The following VPS53 variants were observed in gnomAD, a reference collection of about 807,000 sequenced individuals.
The protein encoded by VPS53 is vacuolar protein sorting-associated protein 53 homolog.
VPS53 carries 70 observed loss-of-function variants against 107.0 expected under a neutral mutation model. The observed-to-expected ratio is 0.65, with a 90% CI of 0.54 to 0.80. VPS53 has a LOEUF of 0.80. Among genes scored for constraint, VPS53 ranks in the 30% least tolerant of loss-of-function variants. The pLI is 0.00. For missense variants in VPS53, 917 were observed against 1,049.4 expected, an observed-to-expected ratio of 0.87 and a Z score of 1.74; for synonymous variants, 409 against 393.3, an observed-to-expected ratio of 1.04 and a Z score of -0.47.
intron 14 of VPS53, 148 bp from the exon 15 acceptor site, chr17:560,721 C>T: frequency 1.1e-6 from 1 of 877,576 alleles, no homozygotes; most frequent in Non-Finnish European, 1.7e-6. Context: ...CCTTTTCCTA[C>T]TGACCTTACC....
chr17:640,113 C>G (rs1307182911), intron 7 of VPS53, among the ~76,000 whole-genome samples: 2 of 152,194 alleles, frequency 1.3e-5, no homozygotes, highest in East Asian at 3.9e-4. Context: ...GCGCCCCTCT[C>G]CCAGCCTTGC....
rs1438055529 is a variant in VPS53, at chr17:664,160, C to G, written c.286-2265G>C. ...GTGGCGTGATCTCAGCTCACTGCAA[C>G]CTCTGCCTCCCAGGTTCAAGCAATT... is the stretch of plus-strand genomic sequence containing the variant. On this transcript the variant is annotated intron_variant, in intron 4 of 21. Transcript: ENST00000437048. Among the ~76,000 whole-genome samples the G allele has an allele frequency of 2.6e-5, 4 of 152,078 alleles. No individual in the cohort carries two copies. The East Asian group carries it at 7.7e-4, about 29-fold the overall frequency.
At chr17:602,015 A>G in intron 11 of VPS53, 119 bp from the exon 12 acceptor site, 2 of 653,392 alleles carry the variant, frequency 3.1e-6, no homozygotes, top group Non-Finnish European at 4.7e-6. Flanking sequence ...CTGATAAAGA[A>G]GAACTGAGGC....
chr17:711,066 G>A (rs1973625783), intron 1 of VPS53, among the ~76,000 whole-genome samples: 1 of 152,180 alleles, frequency 6.6e-6, no homozygotes, highest in Non-Finnish European at 1.5e-5. Flanking sequence ...AATTAGCTGG[G>A]TGCCATGGCA....
chr17:567,867 C>A (rs1415817336), intron 13 of VPS53, among the ~76,000 whole-genome samples: 1 of 130,906 alleles, frequency 7.6e-6, no homozygotes, highest in South Asian at 2.5e-4. Flanking sequence ...CCAGCCTGGA[C>A]AACAGAGCAA....
intron 2 of VPS53, among the ~76,000 whole-genome samples, chr17:702,974 G>A (rs769266149): frequency 1.3e-4 from 20 of 152,214 alleles, no homozygotes; most frequent in Admixed American, 3.3e-4. Context: ...GGGAGGCCAA[G>A]GTACGTGGGT....
intron 4 of VPS53, among the ~76,000 whole-genome samples, chr17:662,559 C>CGG (rs1306213429): frequency 2.0e-5 from 3 of 151,950 alleles, no homozygotes; most frequent in Non-Finnish European, 4.4e-5. Context: ...CACAGTGGCA[C>CGG]GCACCTGTAG....
chr17:676,752 T>C (rs961709991), intron 4 of VPS53, among the ~76,000 whole-genome samples: 4 of 152,212 alleles, frequency 2.6e-5, no homozygotes, highest in Non-Finnish European at 4.4e-5. Flanking sequence ...AATAATCATG[T>C]TGCAGAAAAG....
rs749005826 is a variant in VPS53 at position 571,487 on chromosome 17, T to TTCTCCCTCTCCC, written c.1314-8754_1314-8743dup. On this transcript the variant is annotated intron_variant, in intron 13 of 21. Transcript: ENST00000437048. ...CAATGGGCTCTCCCTCTCCCTCTCC[T>TTCTCCCTCTCCC]TCTCCCTCTCCCTCTCCCTACAGTC... is the stretch of plus-strand genomic sequence containing the variant. 7.7e-4 allele frequency among the ~76,000 whole-genome samples: 92 copies of TTCTCCCTCTCCC among 119,764 alleles called. 2 individuals carry two copies. Among genetic ancestry groups the TTCTCCCTCTCCC allele is most frequent in the Middle Eastern group, 4.0e-3 (1 of 248 alleles). 78.6% of individuals were successfully genotyped at this position (119,764 alleles called of 152,430 possible).
chr17:586,743 T>G (rs1455971967), intron 12 of VPS53, among the ~76,000 whole-genome samples: 1 of 152,206 alleles, frequency 6.6e-6, no homozygotes, highest in Non-Finnish European at 1.5e-5. Flanking sequence ...TTGATAGCAC[T>G]TTGATACCAA....
chr17:621,667 CGTCT>C (rs756477044), intron 11 of VPS53, among the ~76,000 whole-genome samples: 7 of 152,010 alleles, frequency 4.6e-5, no homozygotes, highest in Non-Finnish European at 5.9e-5. Context: ...TTCAGTCAAT[CGTCT>C]GTCTGACTCT....
rs143829989 is a variant in VPS53, at chr17:603,199, G to A, written c.1117-1303C>T. Reference sequence around the variant, plus strand: ...CAGCACTTTGGGAGGCTGAGGCGGCGGATCACTTGAGGTCAGGAGTTCAAG... The same window carrying A: ...CAGCACTTTGGGAGGCTGAGGCGGCAGATCACTTGAGGTCAGGAGTTCAAG... On this transcript the variant is annotated intron_variant, in intron 11 of 21. Transcript: ENST00000437048. Among the ~76,000 whole-genome samples the A allele has an allele frequency of 2.3e-3, 350 of 152,154 alleles. 1 individual carries two copies. The highest frequency in any genetic ancestry group is 7.9e-3 in the African/African-American group (328 of 41,520).
At chr17:534,931 A>C (rs957417308) in intron 18 of VPS53, among the ~76,000 whole-genome samples, 1 of 151,638 alleles carries the variant, frequency 6.6e-6, no homozygotes, top group Admixed American at 6.6e-5. Context: ...AAAAAAAAAA[A>C]AAACCTTTGG....
intron 5 of VPS53, among the ~76,000 whole-genome samples, chr17:658,256 A>ACATCCC (rs1971287926): frequency 2.4e-5 from 1 of 41,046 alleles, no homozygotes; most frequent in African/African-American, 5.4e-5. Flanking sequence ...GTGGATAGAT[A>ACATCCC]ACATCCCACT....
chr17:553,610 G>A (rs1433255766), intron 15 of VPS53, 148 bp from the exon 16 acceptor site: 6 of 652,200 alleles, frequency 9.2e-6, no homozygotes, highest in Non-Finnish European at 1.5e-5. Context: ...CGCTCTTGTT[G>A]CCTAGGCTGG....
At chr17:547,025 C>T (rs573839338) in intron 17 of VPS53, among the ~76,000 whole-genome samples, 21 of 152,092 alleles carry the variant, frequency 1.4e-4, no homozygotes, top group Admixed American at 3.3e-4. Flanking sequence ...CAGGCACGCA[C>T]GCTACCACAC....
At chr17:711,074 G>A (rs1241006257) in intron 1 of VPS53, among the ~76,000 whole-genome samples, 2 of 152,254 alleles carry the variant, frequency 1.3e-5, no homozygotes, top group East Asian at 3.9e-4. Flanking sequence ...GGGTGCCATG[G>A]CACATGCCTG....
chr17:671,679 G>A (rs893826231), intron 4 of VPS53, among the ~76,000 whole-genome samples: 24 of 150,970 alleles, frequency 1.6e-4, no homozygotes, highest in Non-Finnish European at 3.1e-4. Flanking sequence ...AGCTGACCAG[G>A]CCCTCGTTGG....
chr17:699,316 C>T lies in VPS53; in HGVS notation c.218+15G>A, dbSNP rs1371520962. On this transcript the variant is annotated intron_variant, in intron 3 of 21. Coordinates refer to ENST00000437048, the MANE Select transcript of VPS53 (RefSeq NM_001128159.3). The stretch of plus-strand genomic sequence containing the variant: ...ACTTTTCATTAATTATGAACAATCA[C>T]ACAGCTTTACTCACCTTATTTTCAG... 1.3e-6 allele frequency: 2 copies of T among 1,541,662 alleles called. No homozygotes were observed. The highest frequency in any genetic ancestry group is 1.7e-6 in the Non-Finnish European group (2 of 1,150,950).
Sources: allele counts gnomAD v4.1 joint callset (sites outside exome capture counted in the v4.1 genomes callset), GRCh38; gene constraint gnomAD v4.1.1; transcripts MANE v1.5; gene names NCBI Gene and HGNC (gene_info 2026-07-23, HGNC 2026-07-21).